Variants in ATXN2 observed in about 807,000 individuals in gnomAD.
ATXN2 encodes ataxin 2.
Under a neutral mutation model 138.6 loss-of-function variants are expected in ATXN2, and 37 were observed. The observed-to-expected ratio is 0.27, with a 90% CI of 0.21 to 0.35. The LOEUF is 0.35. Among genes scored for constraint, ATXN2 ranks in the 10% least tolerant of loss-of-function variants. The pLI, the probability that ATXN2 is intolerant of heterozygous loss-of-function variation, is 1.00. For missense variants in ATXN2, 1,216 were observed against 1,480.3 expected, an observed-to-expected ratio of 0.82 and a Z score of 2.93; for synonymous variants, 549 against 543.7, an observed-to-expected ratio of 1.01 and a Z score of -0.13.
chr12:111,467,690 T>C (rs538048177), intron 20 of ATXN2, among the ~76,000 whole-genome samples: 7 of 152,316 alleles, frequency 4.6e-5, no homozygotes, highest in South Asian at 2.1e-4. Flanking sequence ...TTAGATCTAG[T>C]GCTTTGTTTT....
chr12:111,513,440 T>C lies in ATXN2; in HGVS notation c.1475A>G (p.His492Arg). 1 of 1,614,072 alleles carries C rather than the reference T, an allele frequency of 6.2e-7. No homozygotes were observed. Among genetic ancestry groups the C allele is most frequent in the Non-Finnish European group, 8.5e-7 (1 of 1,180,016 alleles). The change falls in exon 11 of 25, where the codon CAC becomes CGC. Residue 492 changes from histidine (H) to arginine (R), a missense_variant. Transcript: ENST00000673436. ...AGTAGCTGCTTCACTGGGTGGGTTG[T>C]GGGATACAAATTCTAGGCCACTGGA... ...SISSGLEFVSHNPPSEAATPP... is the reference protein window; with the variant it reads ...SISSGLEFVSRNPPSEAATPP...
Position 111,550,223 on chromosome 12 carries a change from G to A in ATXN2, c.571+2057C>T, listed in dbSNP as rs974444955. The stretch of plus-strand genomic sequence containing the variant: ...ATTTTCAAAGTTGTCACTCTGATCT[G>A]TATTTTCTTGCCTTTCTATAATGAA... On this transcript the variant is annotated intron_variant, in intron 5 of 24. Transcript: ENST00000673436. Among the ~76,000 whole-genome samples the A allele has an allele frequency of 2.3e-4, 35 of 152,140 alleles. 1 individual carries two copies. The highest frequency in any genetic ancestry group is 1.5e-4 in the Non-Finnish European group (10 of 68,038).
Position 111,598,407 on chromosome 12 carries a change from G to A in ATXN2, c.251+377C>T. On this transcript the variant is annotated intron_variant, in intron 1 of 24. Coordinates refer to ENST00000673436, the MANE Select transcript of ATXN2 (RefSeq NM_001372574.1). The surrounding 1 kb of genome is among the most constrained non-coding windows in gnomAD (Gnocchi z 4.5). ...AACGTTCACACCTAAACCGGGAGTG[G>A]AGGAGCTGCCCGAGCATCCCCACGC... The A allele has an allele frequency of 6.1e-6, 6 of 985,706 alleles. No individual in the cohort carries two copies. Among genetic ancestry groups the A allele is most frequent in the Non-Finnish European group, 7.2e-6 (6 of 830,184 alleles). 61.1% of individuals were successfully genotyped at this position (985,706 alleles called of 1,614,324 possible).
rs58116265 is a variant in ATXN2 at position 111,588,991 on chromosome 12, CAAAAAAAAAAAAAAAAAAA to C, written c.251+9774_251+9792del. 5.2e-4 allele frequency among the ~76,000 whole-genome samples: 20 copies of C among 38,708 alleles called. 2 individuals carry two copies. Among genetic ancestry groups the C allele is most frequent in the South Asian group, 4.9e-3 (2 of 408 alleles). The allele number at this position is 38,708 out of a possible 152,430, so 25.4% of individuals were successfully genotyped here. On this transcript the variant is annotated intron_variant, in intron 1 of 24. Coordinates refer to ENST00000673436, the MANE Select transcript of ATXN2 (RefSeq NM_001372574.1). ...GCCTGGGCGACAGAGCGAGATTTCT[CAAAAAAAAAAAAAAAAAAA>C]AAAAAAAAAAAAAACTAAACCAAAC...
chr12:111,507,136 T>G (rs573328063), intron 14 of ATXN2, among the ~76,000 whole-genome samples: 1 of 150,098 alleles, frequency 6.7e-6, no homozygotes, highest in Non-Finnish European at 1.5e-5. Flanking sequence ...TCGTCTGGGA[T>G]GTGAGGAGCC....
chr12:111,453,231 G>A lies in ATXN2; in HGVS notation c.3440-391C>T, dbSNP rs1874801358. 9.3e-7 allele frequency: 1 copy of A among 1,076,642 alleles called. No individual in the cohort carries two copies. Among genetic ancestry groups the A allele is most frequent in the Non-Finnish European group, 1.1e-6 (1 of 888,648 alleles). 66.7% of individuals were successfully genotyped at this position (1,076,642 alleles called of 1,614,324 possible). ...GGGCGCTCTCCCCTGTTCAGGGGCT[G>A]GGGCTAACGCTACACTCAAAGCCAG... On this transcript the variant is annotated intron_variant, in intron 24 of 24. Transcript: ENST00000673436. The surrounding 1 kb of genome is among the most constrained non-coding windows in gnomAD (Gnocchi z 5.4).
At chr12:111,575,681 CA>C (rs954874195) in intron 1 of ATXN2, among the ~76,000 whole-genome samples, 23 of 152,186 alleles carry the variant, frequency 1.5e-4, no homozygotes, top group African/African-American at 5.5e-4. Context: ...CCAAGCCTCA[CA>C]AGCAGGAGGT....
At chr12:111,477,523 G>T (rs1876906323) in intron 18 of ATXN2, among the ~76,000 whole-genome samples, 1 of 151,924 alleles carries the variant, frequency 6.6e-6, no homozygotes, top group South Asian at 2.1e-4. Flanking sequence ...TCATAACCTA[G>T]GGTACGTAAA....
intron 1 of ATXN2, among the ~76,000 whole-genome samples, chr12:111,579,407 C>A (rs565843502): frequency 3.3e-5 from 5 of 152,198 alleles, no homozygotes; most frequent in South Asian, 4.2e-4. Flanking sequence ...GGATTACAGG[C>A]ATGCGCCACC....
intron 1 of ATXN2, among the ~76,000 whole-genome samples, chr12:111,583,096 G>A (rs1408638780): frequency 1.0e-4 from 15 of 147,296 alleles, no homozygotes; most frequent in African/African-American, 3.8e-4. Flanking sequence ...GGGTTCAAGC[G>A]ATTCCCCTGC....
At chr12:111,534,646 G>C (rs1457796430) in intron 5 of ATXN2, among the ~76,000 whole-genome samples, 1 of 151,126 alleles carries the variant, frequency 6.6e-6, no homozygotes, top group Non-Finnish European at 1.5e-5. Context: ...GTACATGATG[G>C]AGACCACTGG....
chr12:111,504,393 T>A (rs981042479), intron 14 of ATXN2, among the ~76,000 whole-genome samples: 4 of 152,128 alleles, frequency 2.6e-5, no homozygotes, highest in Non-Finnish European at 4.4e-5. Flanking sequence ...TTCAAGCGAA[T>A]CTCCTGCCTC....
chr12:111,592,827 A>G (rs1884744397), intron 1 of ATXN2, among the ~76,000 whole-genome samples: 1 of 148,844 alleles, frequency 6.7e-6, no homozygotes, highest in Non-Finnish European at 1.5e-5. Context: ...GACTGTTAAT[A>G]AACTGTTTAC....
intron 1 of ATXN2, among the ~76,000 whole-genome samples, chr12:111,556,295 G>C (rs1159437848): frequency 2.0e-5 from 3 of 152,078 alleles, no homozygotes; most frequent in African/African-American, 7.2e-5. Flanking sequence ...AGGATCACCA[G>C]AGTCCAGGAG....
At chr12:111,529,203 A>G (rs1880671198) in intron 5 of ATXN2, among the ~76,000 whole-genome samples, 1 of 152,228 alleles carries the variant, frequency 6.6e-6, no homozygotes, top group South Asian at 2.1e-4. Context: ...TTGAGAAAAA[A>G]ACAACTGGCT....
At chr12:111,564,620 T>C (rs990312004) in intron 1 of ATXN2, among the ~76,000 whole-genome samples, 2 of 147,620 alleles carry the variant, frequency 1.4e-5, no homozygotes, top group African/African-American at 5.0e-5. Context: ...GCAACAGCAA[T>C]ACAACAATTA....
chr12:111,510,802 T>C (rs547855680), intron 11 of ATXN2: 3 of 372,074 alleles, frequency 8.1e-6, no homozygotes, highest in African/African-American at 6.2e-5. Context: ...ATAAGTATGA[T>C]TTTCTCTCCT....
rs183048355 is a variant in ATXN2 at position 111,586,741 on chromosome 12, G to A, written c.251+12043C>T. Among the ~76,000 whole-genome samples, 1,360 of 151,320 alleles carry A rather than the reference G, an allele frequency of 9.0e-3. 17 individuals carry two copies. The highest frequency in any genetic ancestry group is 0.031 in the African/African-American group (1,297 of 41,252). Reference sequence around the variant, plus strand: ...TCACCATGTTGGCCAGACTGGTCTCGAACTCCTGACCTCAAGTGATCCACC... The same window carrying A: ...TCACCATGTTGGCCAGACTGGTCTCAAACTCCTGACCTCAAGTGATCCACC... On this transcript the variant is annotated intron_variant, in intron 1 of 24. Coordinates refer to ENST00000673436, the MANE Select transcript of ATXN2 (RefSeq NM_001372574.1).
intron 1 of ATXN2, among the ~76,000 whole-genome samples, chr12:111,559,219 G>A (rs642536): frequency 0.2 from 30,423 of 149,316 alleles, 3,193 homozygotes; most frequent in East Asian, 0.33. Context: ...TGCAACCTCC[G>A]CCTCCCAGGT....
Sources: allele counts gnomAD v4.1 joint callset (sites outside exome capture counted in the v4.1 genomes callset), GRCh38; gene constraint gnomAD v4.1.1; non-coding constraint Gnocchi (gnomAD v3.1); transcripts MANE v1.5; gene names NCBI Gene and HGNC (gene_info 2026-07-23, HGNC 2026-07-21).